Variants in LMAN1L observed in about 807,000 individuals in gnomAD.
LMAN1L encodes protein ERGIC-53-like.
A neutral mutation model predicts 58.3 loss-of-function variants in LMAN1L; 60 were observed. The observed-to-expected ratio is 1.03, with a 90% CI of 0.84 to 1.27. LMAN1L has a LOEUF of 1.27. Ranked by LOEUF, LMAN1L falls within the 50% of genes most tolerant of loss-of-function variation. The pLI is 0.00. For missense variants in LMAN1L, 629 were observed against 674.0 expected (o/e 0.93, Z 0.74); for synonymous variants, 280 against 271.6 (o/e 1.03, Z -0.31).
At chr15:74,813,770 T>G (rs541594300) in intron 1 of LMAN1L, among the ~76,000 whole-genome samples, 100 of 152,354 alleles carry the variant, frequency 6.6e-4, no homozygotes, top group South Asian at 1.0e-3. Context: ...GATTTAATTC[T>G]GAGCCTCTTA....
rs190579019 is a variant in LMAN1L at position 74,813,360 on chromosome 15, C to T, written c.175+331C>T. The stretch of plus-strand genomic sequence containing the variant: ...AGACACATGCTCACACACTAAGTCC[C>T]AGGCACACAGAAGGCAATGTGGACC... On this transcript the variant is annotated intron_variant, in intron 1 of 13. Coordinates refer to ENST00000309664, the MANE Select transcript of LMAN1L (RefSeq NM_021819.3). 1.1e-3 allele frequency: 540 copies of T among 487,650 alleles called. 3 individuals carry two copies. The highest frequency in any genetic ancestry group is 9.7e-3 in the African/African-American group (499 of 51,364). 30.2% of individuals were successfully genotyped at this position (487,650 alleles called of 1,614,324 possible). A position where few individuals can be genotyped will look rare whatever the true frequency, so the allele number is the denominator to read the frequency against.
intron 2 of LMAN1L, 31 bp downstream of exon 2, chr15:74,816,342 G>C (rs201549948): frequency 1.5e-3 from 2,420 of 1,608,232 alleles, no homozygotes; most frequent in Non-Finnish European, 1.9e-3. Context: ...CTGACAGAGC[G>C]GGGTGGGTCA....
chr15:74,816,078 C>G lies in LMAN1L; in HGVS notation c.176-79C>G. On this transcript the variant is annotated intron_variant, in intron 1 of 13. Transcript: ENST00000309664. ...CATTGTCGCCTTCTCTTCCGGGAGC[C>G]CAGCCCGGGCCAAGTGAGAGAGTGA... 3 of 1,475,732 alleles carry G rather than the reference C, an allele frequency of 2.0e-6. 1 individual carries two copies. In the South Asian group the frequency reaches 3.9e-5, roughly 19 times the overall value. The allele number at this position is 1,475,732 out of a possible 1,614,324, so 91.4% of individuals were successfully genotyped here. A position where few individuals can be genotyped will look rare whatever the true frequency, so the allele number is the denominator to read the frequency against.
chr15:74,823,997 T>C (rs910379566), intron 12 of LMAN1L: 10 of 500,712 alleles, frequency 2.0e-5, no homozygotes, highest in African/African-American at 1.7e-4. Context: ...CCAAGATCAC[T>C]GAGTCCAGTG....
chr15:74,823,903 T>A (rs2063929187), intron 12 of LMAN1L: 2 of 574,086 alleles, frequency 3.5e-6, no homozygotes, highest in African/African-American at 3.8e-5. Flanking sequence ...CTCTGAAGAG[T>A]CCCACAGACT....
At chr15:74,814,372 G>T (rs144668381) in intron 1 of LMAN1L, among the ~76,000 whole-genome samples, 15,464 of 109,028 alleles carry the variant, frequency 0.14, 2,050 homozygotes, top group South Asian at 0.38. Context: ...TTTTGTTTTT[G>T]TTTTTGTTTT....
intron 5 of LMAN1L, 147 bp downstream of exon 5, chr15:74,818,964 C>T (rs1195676423): frequency 8.1e-6 from 8 of 991,286 alleles, no homozygotes; most frequent in South Asian, 1.6e-5. Context: ...TCCTCCATCC[C>T]TACACAGAAT....
intron 1 of LMAN1L, among the ~76,000 whole-genome samples, chr15:74,814,575 T>G (rs908914599): frequency 7.2e-5 from 11 of 152,208 alleles, no homozygotes; most frequent in South Asian, 4.1e-4. Context: ...GGGTTTCACC[T>G]TGTTAGCCAG....
At position 74,819,226 on chromosome 15, in the gene LMAN1L, C is replaced by A. The variant is rs771445730; in HGVS notation, c.672C>A (p.Val224=). Residue 224 remains valine, a synonymous_variant, in exon 6 of 14, where the codon GTC becomes GTA. Coordinates refer to ENST00000309664, the MANE Select transcript of LMAN1L (RefSeq NM_021819.3). ...TGGATGTGGGGCCCCTGCTTTTGGTCCCTGGAGGTTTCTTTGGGGTCTCAG... is the reference window on the plus strand; with the variant it reads ...TGGATGTGGGGCCCCTGCTTTTGGTACCTGGAGGTTTCTTTGGGGTCTCAG... ...FCVDVGPLLL[V]PGGFFGVSAA... is the part of the protein sequence containing the mutation. 3 of 1,614,184 alleles carry A rather than the reference C, an allele frequency of 1.9e-6. No homozygotes were observed. Among genetic ancestry groups the A allele is most frequent in the Non-Finnish European group, 1.7e-6 (2 of 1,180,012 alleles).
Position 74,819,545 on chromosome 15 carries a change from G to A in LMAN1L, c.718+273G>A, listed in dbSNP as rs1596379172. 4.8e-5 allele frequency: 25 copies of A among 524,854 alleles called. No homozygotes were observed. In the East Asian group the frequency reaches 7.2e-4, roughly 15 times the overall value. The allele number at this position is 524,854 out of a possible 1,614,324, so 32.5% of individuals were successfully genotyped here. A position where few individuals can be genotyped will look rare whatever the true frequency, so the allele number is the denominator to read the frequency against. On this transcript the variant is annotated intron_variant, in intron 6 of 13. Coordinates refer to ENST00000309664, the MANE Select transcript of LMAN1L (RefSeq NM_021819.3). ...GACAGACAGCAAAGAGGGGCATTTA[G>A]GAAAATGGAGCAAAGAAATGTGACA...
chr15:74,819,585 C>T (rs984817279), intron 6 of LMAN1L: 31 of 509,452 alleles, frequency 6.1e-5, no homozygotes, highest in East Asian at 1.8e-4. Context: ...GGAGAGTCCA[C>T]GGAGGGTCCC....
intron 6 of LMAN1L, 50 bp downstream of exon 6, chr15:74,819,322 T>A: frequency 6.3e-7 from 1 of 1,598,980 alleles, no homozygotes; most frequent in South Asian, 1.1e-5. Context: ...GATGAATAAA[T>A]CACCCTCAGC....
intron 1 of LMAN1L, 107 bp downstream of exon 1, chr15:74,813,136 T>C (rs1261365622): frequency 1.6e-6 from 2 of 1,285,876 alleles, no homozygotes; most frequent in East Asian, 4.8e-5. Context: ...CTGTCCAGGG[T>C]GGGGCAAGGC....
intron 1 of LMAN1L, chr15:74,813,380 T>C (rs1451246980): frequency 2.5e-5 from 12 of 473,066 alleles, no homozygotes; most frequent in Non-Finnish European, 5.0e-5. Flanking sequence ...GAAGGCAATG[T>C]GGACCAGCAC....
At chr15:74,816,853 G>A (rs1157296505) in intron 4 of LMAN1L, among the ~76,000 whole-genome samples, 163 bp downstream of exon 4, 5 of 152,154 alleles carry the variant, frequency 3.3e-5, no homozygotes, top group African/African-American at 1.2e-4. Flanking sequence ...CGCCCCCCTG[G>A]GGCTTGATTC....
intron 7 of LMAN1L, chr15:74,820,420 AAAG>A: frequency 1.5e-6 from 1 of 675,220 alleles, no homozygotes; most frequent in Non-Finnish European, 2.5e-6. Flanking sequence ...AGATGAGCTT[AAAG>A]GAGCCTCGGA....
Position 74,820,612 on chromosome 15 carries a change from G to A in LMAN1L, c.775-23G>A, listed in dbSNP as rs749013168. On this transcript the variant is annotated intron_variant, in intron 7 of 13. Transcript: ENST00000309664. ...TGGATCTCCCATGGGTTTGGGGCCC[G>A]ACTTTCTGTCTTCCTCCCCTAGGTT... The A allele has an allele frequency of 2.9e-5, 47 of 1,612,536 alleles. No homozygotes were observed. In the South Asian group the frequency reaches 3.6e-4, roughly 12 times the overall value.
Position 74,820,112 on chromosome 15 carries a change from C to T in LMAN1L, c.774+13C>T. ...GCCCAGCCCAGAGGTGATGCCAGCCCTGGCCTACCTGGGAATGGCAGCCCA... is the reference window on the plus strand; with the variant it reads ...GCCCAGCCCAGAGGTGATGCCAGCCTTGGCCTACCTGGGAATGGCAGCCCA... On this transcript the variant is annotated intron_variant, in intron 7 of 13. Coordinates refer to ENST00000309664, the MANE Select transcript of LMAN1L (RefSeq NM_021819.3). The T allele has an allele frequency of 1.2e-6, 2 of 1,612,980 alleles. No individual in the cohort carries two copies. Among genetic ancestry groups the T allele is most frequent in the Non-Finnish European group, 1.7e-6 (2 of 1,178,916 alleles).
chr15:74,820,762 G>T lies in LMAN1L; in HGVS notation c.902G>T (p.Gly301Val). 1 of 1,612,312 alleles carries T rather than the reference G, an allele frequency of 6.2e-7. No individual in the cohort carries two copies. Among genetic ancestry groups the T allele is most frequent in the African/African-American group, 1.3e-5 (1 of 75,002 alleles). ...CCAAAATCAGACTCTGAAGCTCAAG[G>T]AGAAGGTAGGGACCGAGAGAGCGGG... ...VTPKSDSEAQ[G>V]EGERLFDLEE... The change falls in exon 8 of 14, where the codon GGA (glycine) becomes GTA (valine). Residue 301 changes from glycine (G) to valine (V), a missense_variant. Gly to Val is a moderately radical substitution (Grantham distance 109, BLOSUM62 -3). Transcript: ENST00000309664.
Sources: allele counts gnomAD v4.1 joint callset (sites outside exome capture counted in the v4.1 genomes callset), GRCh38; gene constraint gnomAD v4.1.1; transcripts MANE v1.5; gene names NCBI Gene and HGNC (gene_info 2026-07-23, HGNC 2026-07-21).